ROBO1: variants seen among roughly 807,000 people sequenced by gnomAD.
ROBO1 encodes roundabout guidance receptor 1.
Under a neutral mutation model 195.9 loss-of-function variants are expected in ROBO1, and 149 were observed. The ratio of observed to expected loss-of-function variants is 0.76; its 90% CI spans 0.67 to 0.87. The LOEUF (loss-of-function observed/expected upper bound fraction) is 0.87, where lower values mean the gene tolerates loss of function less well. ROBO1 is among the 40% of genes least tolerant of loss of function. The pLI is 0.00. For missense variants in ROBO1, 1,933 were observed against 2,068.3 expected (o/e 0.93, Z 1.27); for synonymous variants, 816 against 733.2 (o/e 1.11, Z -1.82).
intron 1 of ROBO1, among the ~76,000 whole-genome samples, chr3:79,721,341 CTA>C (rs10553619): frequency 0.29 from 44,286 of 151,660 alleles, 6,474 homozygotes; most frequent in East Asian, 0.33. Flanking sequence ...TTGATGGAAA[CTA>C]TGAGACTATT....
At chr3:79,332,932 T>C (rs2034505253) in intron 2 of ROBO1, among the ~76,000 whole-genome samples, 1 of 152,172 alleles carries the variant, frequency 6.6e-6, no homozygotes, top group Non-Finnish European at 1.5e-5. Context: ...CCAGGTGTGG[T>C]GGCTTACGCC....
In ROBO1 at chr3:78,653,453, C is replaced by A. The variant is rs1041543697; in HGVS notation, c.2615-1524G>T. Among the ~76,000 whole-genome samples, 6 of 152,268 alleles carry A rather than the reference C, an allele frequency of 3.9e-5. No homozygotes were observed. In the East Asian group the frequency reaches 7.7e-4, roughly 20 times the overall value. ...CTCTAAGAACCCACCAGTAGGAACTCCCCAAAGGAAACCTGCCTGGGTAAT... is the reference window on the plus strand; with the variant it reads ...CTCTAAGAACCCACCAGTAGGAACTACCCAAAGGAAACCTGCCTGGGTAAT... On this transcript the variant is annotated intron_variant, in intron 18 of 30. Transcript: ENST00000464233.
chr3:79,411,412 G>A (rs2037759796), intron 2 of ROBO1, among the ~76,000 whole-genome samples: 1 of 152,124 alleles, frequency 6.6e-6, no homozygotes, highest in Non-Finnish European at 1.5e-5. Context: ...ACTCTAGACA[G>A]TAATATATTT....
intron 18 of ROBO1, among the ~76,000 whole-genome samples, chr3:78,655,134 T>A (rs1049478564): frequency 6.6e-5 from 10 of 152,218 alleles, no homozygotes; most frequent in East Asian, 5.8e-4. Context: ...TTAAAAAAAA[T>A]ATTTTCATAG....
chr3:79,111,339 C>T (rs774213792), intron 3 of ROBO1, among the ~76,000 whole-genome samples: 11 of 152,178 alleles, frequency 7.2e-5, no homozygotes, highest in East Asian at 5.8e-4. Context: ...TTGGGGAATG[C>T]GCAGGGCTCT....
intron 4 of ROBO1, among the ~76,000 whole-genome samples, chr3:78,915,930 C>T (rs916331338): frequency 3.9e-5 from 6 of 152,088 alleles, no homozygotes; most frequent in Non-Finnish European, 5.9e-5. Flanking sequence ...AGTGCAAGTG[C>T]GAGAGCCGCT....
chr3:79,070,778 T>C (rs1308574774), intron 3 of ROBO1, among the ~76,000 whole-genome samples: 1 of 151,824 alleles, frequency 6.6e-6, no homozygotes, highest in East Asian at 1.9e-4. Flanking sequence ...TTTTAAAAAG[T>C]GTTTCTCAGG....
intron 1 of ROBO1, among the ~76,000 whole-genome samples, chr3:79,624,540 A>T (rs1945108358): frequency 6.6e-6 from 1 of 152,098 alleles, no homozygotes; most frequent in African/African-American, 2.4e-5. Context: ...AAAAGCAGGG[A>T]TTACAAGCCC....
chr3:78,946,079 C>A (rs530137131), intron 3 of ROBO1, among the ~76,000 whole-genome samples: 63 of 152,218 alleles, frequency 4.1e-4, no homozygotes, highest in African/African-American at 1.5e-3. Flanking sequence ...GAGAATGGAA[C>A]CAAGTTGGAA....
intron 25 of ROBO1, among the ~76,000 whole-genome samples, chr3:78,629,374 A>C (rs1477622850): frequency 6.6e-6 from 1 of 152,068 alleles, no homozygotes; most frequent in Non-Finnish European, 1.5e-5. Flanking sequence ...GCAGCAATGA[A>C]TGTTGTTAAA....
chr3:79,442,031 AG>A (rs1481238374), intron 2 of ROBO1, among the ~76,000 whole-genome samples: 2 of 152,054 alleles, frequency 1.3e-5, no homozygotes, highest in Admixed American at 6.5e-5. Context: ...TTTCCAAGAA[AG>A]GAAAAAAAAA....
chr3:79,089,990 A>T (rs2079447224), intron 3 of ROBO1, among the ~76,000 whole-genome samples: 1 of 145,460 alleles, frequency 6.9e-6, no homozygotes, highest in Admixed American at 7.0e-5. Context: ...CCCAGGCTGG[A>T]GTGCAGTGGT....
intron 14 of ROBO1, 128 bp from the exon 15 acceptor site, chr3:78,662,242 C>T (rs994817023): frequency 7.1e-5 from 36 of 508,284 alleles, no homozygotes; most frequent in South Asian, 2.0e-4. Flanking sequence ...GGCTGTGATT[C>T]GGAAAAAAAA....
chr3:78,670,471 A>T, intron 10 of ROBO1, 170 bp from the exon 11 acceptor site: 1 of 610,652 alleles, frequency 1.6e-6, no homozygotes, highest in Non-Finnish European at 2.9e-6. Flanking sequence ...GCACTGATTC[A>T]GAATACTAAA....
chr3:79,399,835 A>T (rs2037297010), intron 2 of ROBO1, among the ~76,000 whole-genome samples: 1 of 152,172 alleles, frequency 6.6e-6, no homozygotes, highest in African/African-American at 2.4e-5. Context: ...AAACATAACT[A>T]TGAAATACAC....
At chr3:79,089,666 C>T (rs1226963818) in intron 3 of ROBO1, among the ~76,000 whole-genome samples, 1 of 152,082 alleles carries the variant, frequency 6.6e-6, no homozygotes, top group Admixed American at 6.5e-5. Flanking sequence ...TTACCACATT[C>T]TCAGGAAGAT....
At chr3:79,219,243 C>G (rs1243558694) in intron 2 of ROBO1, among the ~76,000 whole-genome samples, 1 of 151,838 alleles carries the variant, frequency 6.6e-6, no homozygotes, top group African/African-American at 2.4e-5. Context: ...CTAAGTATTA[C>G]CTGTGTGATG....
intron 2 of ROBO1, among the ~76,000 whole-genome samples, chr3:79,202,260 T>C (rs2081780060): frequency 6.6e-6 from 1 of 152,032 alleles, no homozygotes; most frequent in Non-Finnish European, 1.5e-5. Flanking sequence ...ATACAGTAAG[T>C]TCAGTAAATA....
At chr3:79,205,158 A>G (rs562970647) in intron 2 of ROBO1, among the ~76,000 whole-genome samples, 58 of 151,926 alleles carry the variant, frequency 3.8e-4, no homozygotes, top group Non-Finnish European at 6.6e-4. Context: ...ATATCCGGTT[A>G]ATTTTTTCTA....
Sources: allele counts gnomAD v4.1 joint callset (sites outside exome capture counted in the v4.1 genomes callset), GRCh38; gene constraint gnomAD v4.1.1; transcripts MANE v1.5; gene names NCBI Gene and HGNC (gene_info 2026-07-23, HGNC 2026-07-21).